Variants in IFT140 observed in about 807,000 individuals in gnomAD.
The protein encoded by IFT140 is intraflagellar transport protein 140 homolog.
IFT140 carries 133 observed loss-of-function variants against 164.6 expected under a neutral mutation model. The observed-to-expected ratio is 0.81, with a 90% CI of 0.70 to 0.93. The LOEUF is 0.93. Among genes scored for constraint, IFT140 ranks in the 40% least tolerant of loss-of-function variants. IFT140 has a pLI of 0.00. For missense variants in IFT140, 2,045 were observed against 1,972.3 expected (o/e 1.04, Z -0.70); for synonymous variants, 860 against 817.3 (o/e 1.05, Z -0.89).
chr16:1,513,728 C>G (rs1478123382), intron 30 of IFT140, among the ~76,000 whole-genome samples: 1 of 150,170 alleles, frequency 6.7e-6, no homozygotes, highest in African/African-American at 2.4e-5. Flanking sequence ...GGCTGGAGTG[C>G]AGTGGTGCGA....
At chr16:1,539,382 C>G (rs1282259855) in intron 19 of IFT140, among the ~76,000 whole-genome samples, 2 of 152,266 alleles carry the variant, frequency 1.3e-5, no homozygotes, top group African/African-American at 4.8e-5. Flanking sequence ...TTGCACGGTG[C>G]CAGGCTGAGG....
At chr16:1,561,837 C>A (rs2033424467) in intron 18 of IFT140, 148 bp downstream of exon 18, 2 of 695,578 alleles carry the variant, frequency 2.9e-6, no homozygotes, top group East Asian at 5.7e-5. Flanking sequence ...ACAAGTGAGA[C>A]TGGATGGCTG....
intron 29 of IFT140, among the ~76,000 whole-genome samples, chr16:1,519,403 T>A (rs1476456684): frequency 1.5e-4 from 23 of 152,280 alleles, no homozygotes; most frequent in Non-Finnish European, 4.4e-5. Flanking sequence ...ACTTAGCATC[T>A]TGGCCTCTCC....
intron 2 of IFT140, among the ~76,000 whole-genome samples, chr16:1,607,652 TTTAAC>T (rs2036145078): frequency 6.6e-6 from 1 of 152,220 alleles, no homozygotes; most frequent in East Asian, 1.9e-4. Flanking sequence ...TGTAGTTCCC[TTTAAC>T]TTTTTAGACC....
At position 1,602,458 on chromosome 16, in the gene IFT140, T is replaced by A. The variant is rs2035843114; in HGVS notation, c.281A>T (p.Glu94Val). The change falls in exon 4 of 31, where the codon GAG becomes GTG. Residue 94 changes from glutamate (E) to valine (V), a missense_variant. By Grantham distance (121) the Glu-to-Val change is moderately radical. Transcript: ENST00000426508. The part of the protein sequence containing the change: ...EVTVFNKQDK[E>V]QHTMPLTHTA... ...GTGTGTCAGGGGCATCGTGTGCTGC[T>A]CCTTGTCCTGCTTGTTAAACACCGT... The A allele has an allele frequency of 6.2e-7, 1 of 1,614,068 alleles. No individual in the cohort carries two copies. Among genetic ancestry groups the A allele is most frequent in the South Asian group, 1.1e-5 (1 of 91,090 alleles).
Position 1,519,957 on chromosome 16 carries a change from G to C in IFT140, c.3964C>G (p.Pro1322Ala). Residue 1322 changes from proline to alanine, a missense_variant, in exon 29 of 31, where the codon CCC becomes GCC. Pro to Ala is a conservative substitution (Grantham distance 27, BLOSUM62 -1). Coordinates refer to ENST00000426508, the MANE Select transcript of IFT140 (RefSeq NM_014714.4). ...GCCAGCCTGGTCTCCTGGTCCAGGGGGCTCTTGGCCTTGGCCTTGGCCAGG... is the reference window on the plus strand; with the variant it reads ...GCCAGCCTGGTCTCCTGGTCCAGGGCGCTCTTGGCCTTGGCCTTGGCCAGG... ...KCLAKAKAKS[P>A]LDQETRLAQL... 6.2e-7 allele frequency: 1 copy of C among 1,606,640 alleles called. No individual in the cohort carries two copies. Among genetic ancestry groups the C allele is most frequent in the East Asian group, 2.2e-5 (1 of 44,828 alleles).
intron 30 of IFT140, among the ~76,000 whole-genome samples, chr16:1,512,531 AAAG>A (rs2040204441): frequency 6.6e-6 from 1 of 152,212 alleles, no homozygotes; most frequent in Non-Finnish European, 1.5e-5. Context: ...TAGAGAGAAT[AAAG>A]AAGTTGGCGA....
At chr16:1,542,777 C>G (rs1294788892) in intron 19 of IFT140, among the ~76,000 whole-genome samples, 1 of 152,246 alleles carries the variant, frequency 6.6e-6, no homozygotes, top group Non-Finnish European at 1.5e-5. Context: ...CTTCCCCAAG[C>G]CGCCATGTGA....
At position 1,533,876 on chromosome 16, in the gene IFT140, C is replaced by CT; in HGVS notation, c.2400-7081_2400-7080insA. 3.6e-6 allele frequency: 1 copy of CT among 280,022 alleles called. No individual in the cohort carries two copies. Among genetic ancestry groups the CT allele is most frequent in the Non-Finnish European group, 6.8e-6 (1 of 146,918 alleles). The allele number at this position is 280,022 out of a possible 1,614,324, so 17.3% of individuals were successfully genotyped here. A position where few individuals can be genotyped will look rare whatever the true frequency, so the allele number is the denominator to read the frequency against. On this transcript the variant is annotated intron_variant, in intron 19 of 30. Coordinates refer to ENST00000426508, the MANE Select transcript of IFT140 (RefSeq NM_014714.4). The surrounding 1 kb of genome is among the most constrained non-coding windows in gnomAD (Gnocchi z 4.7). Reference sequence around the variant, plus strand: ...CAGGCCGGTGCTAAGGAGTGTGGCGCGGGCTCGACTCCCACTGCTGCCGGC... The same window carrying CT: ...CAGGCCGGTGCTAAGGAGTGTGGCGCTGGGCTCGACTCCCACTGCTGCCGGC...
chr16:1,601,651 T>C (rs2035802676), intron 4 of IFT140, among the ~76,000 whole-genome samples: 1 of 152,194 alleles, frequency 6.6e-6, no homozygotes, highest in Non-Finnish European at 1.5e-5. Flanking sequence ...CCTCTCATAA[T>C]GTAGAAATTT....
rs2031625190 is a variant in IFT140, at chr16:1,541,441, CT to C, written c.2400-14646del. ...CATGAGCCGCTTGGGGGTCGGGCAG[CT>C]GAGCACGCAGGACAGCACGCCTGAG... On this transcript the variant is annotated intron_variant, in intron 19 of 30. Coordinates refer to ENST00000426508, the MANE Select transcript of IFT140 (RefSeq NM_014714.4). The C allele has an allele frequency of 3.0e-6, 3 of 985,322 alleles. No homozygotes were observed. In the African/African-American group the frequency reaches 5.2e-5, roughly 17 times the overall value. The allele number at this position is 985,322 out of a possible 1,614,324, so 61.0% of individuals were successfully genotyped here.
At chr16:1,568,439 G>C (rs1054703647) in intron 14 of IFT140, 105 bp from the exon 15 acceptor site, 1 of 921,164 alleles carries the variant, frequency 1.1e-6, no homozygotes, top group Non-Finnish European at 1.7e-6. Context: ...ACAGCTCTTA[G>C]GCTGCTTCTC....
At chr16:1,529,681 C>A (rs538180247) in intron 19 of IFT140, among the ~76,000 whole-genome samples, 28 of 152,354 alleles carry the variant, frequency 1.8e-4, no homozygotes, top group African/African-American at 6.3e-4. Context: ...TTCTTTCTAA[C>A]AGCAGAAAAC....
At position 1,602,407 on chromosome 16, in the gene IFT140, C is replaced by T. The variant is rs1183518264; in HGVS notation, c.332G>A (p.Trp111Ter). The T allele has an allele frequency of 1.9e-6, 3 of 1,614,098 alleles. No individual in the cohort carries two copies. The African/African-American group carries it at 4.0e-5, about 22-fold the overall frequency. Reference sequence around the variant, plus strand: ...CAGCAGGCAGTTTCCACTGGGGCTCCAACGGAGCACGGTGATGTCGGCTGT... The same window carrying T: ...CAGCAGGCAGTTTCCACTGGGGCTCTAACGGAGCACGGTGATGTCGGCTGT... ...THTADITVLR[W>*]SPSGNCLLSG... Residue 111 changes from tryptophan to a stop codon, truncating the protein, a stop_gained, in exon 4 of 31, where the codon TGG becomes TAG. Transcript: ENST00000426508. LOFTEE classifies it high-confidence loss of function.
chr16:1,556,919 C>T (rs1456149480), intron 19 of IFT140, among the ~76,000 whole-genome samples: 1 of 152,174 alleles, frequency 6.6e-6, no homozygotes, highest in Non-Finnish European at 1.5e-5. Flanking sequence ...AAGCAATTCT[C>T]CCACCTCAGC....
intron 2 of IFT140, among the ~76,000 whole-genome samples, chr16:1,609,058 G>T (rs1190277741): frequency 6.6e-6 from 1 of 152,120 alleles, no homozygotes; most frequent in Non-Finnish European, 1.5e-5. Flanking sequence ...AGGAGGCTGA[G>T]ACATGAGAAT....
At position 1,520,700 on chromosome 16, in the gene IFT140, G is replaced by A. The variant is rs575196272; in HGVS notation, c.3562C>T (p.Arg1188Trp). The change falls in exon 27 of 31, where the codon CGG becomes TGG. Residue 1188 changes from arginine (R) to tryptophan (W), a missense_variant. Transcript: ENST00000426508. ...KDSSDLPEES[R>W]RELLEQIADC... ...GCTATCTGCTCCAGCAGCTCCCGCC[G>A]CGACTCCTCAGGCAGGTCCGAGGAG... 76 of 1,611,510 alleles carry A rather than the reference G, an allele frequency of 4.7e-5. No homozygotes were observed. The highest frequency in any genetic ancestry group is 4.1e-4 in the African/African-American group (31 of 75,032).
chr16:1,587,873 T>G (rs1316840035), intron 8 of IFT140, 60 bp downstream of exon 8: 1 of 1,332,686 alleles, frequency 7.5e-7, no homozygotes, highest in Non-Finnish European at 1.0e-6. Context: ...AAAGCTGACT[T>G]AGAGGAGCCT....
At chr16:1,525,548 G>A (rs564491873) in intron 21 of IFT140, among the ~76,000 whole-genome samples, 11 of 151,958 alleles carry the variant, frequency 7.2e-5, no homozygotes, top group Non-Finnish European at 1.0e-4. Context: ...TCCACACCCC[G>A]GGAACGGGTC....
Sources: allele counts gnomAD v4.1 joint callset (sites outside exome capture counted in the v4.1 genomes callset), GRCh38; gene constraint gnomAD v4.1.1; non-coding constraint Gnocchi (gnomAD v3.1); transcripts MANE v1.5; gene names NCBI Gene and HGNC (gene_info 2026-07-23, HGNC 2026-07-21).